MCF2L: variants seen among roughly 807,000 people sequenced by gnomAD.
The protein encoded by MCF2L is MCF.2 cell line derived transforming sequence like, also known as guanine nucleotide exchange factor DBS.
In MCF2L, 97 loss-of-function variants were observed where a neutral mutation model predicts 153.4. The ratio of observed to expected loss-of-function variants is 0.63; its 90% CI spans 0.54 to 0.75. MCF2L has a LOEUF of 0.75. MCF2L is among the 30% of genes least tolerant of loss of function. The probability of loss-of-function intolerance (pLI) is 0.00; values close to 1 mark genes in which losing one functional copy is unlikely to be tolerated. For synonymous variants in MCF2L, 659 were observed against 632.2 expected (o/e 1.04, Z -0.64); for missense variants, 1,347 against 1,495.2 (o/e 0.90, Z 1.64).
chr13:113,020,257 A>G (rs1381565457), intron 2 of MCF2L, among the ~76,000 whole-genome samples: 2 of 152,224 alleles, frequency 1.3e-5, no homozygotes, highest in African/African-American at 2.4e-5. Context: ...GTGAGTTTCT[A>G]AAGCCGTGTT....
intron 2 of MCF2L, chr13:112,909,389 C>T (rs188541586): frequency 3.3e-5 from 25 of 757,296 alleles, no homozygotes; most frequent in African/African-American, 1.0e-4. Flanking sequence ...CAGGCTAAGG[C>T]GTTGATCCCA....
At chr13:112,909,532 TTGGATGCAGG>T (rs1256038976) in intron 2 of MCF2L, 5 of 502,252 alleles carry the variant, frequency 1.0e-5, no homozygotes, top group Non-Finnish European at 1.8e-5. Flanking sequence ...GTCTATCAAC[TTGGATGCAGG>T]TAGTGCTCAG....
intron 8 of MCF2L, 118 bp downstream of exon 8, chr13:113,066,288 A>AC (rs2032347202): frequency 8.0e-7 from 1 of 1,252,700 alleles, no homozygotes; most frequent in South Asian, 1.7e-5. Flanking sequence ...GTGGCAGGCA[A>AC]CCCCACTCCT....
At chr13:113,034,925 G>A (rs564393574) in intron 3 of MCF2L, among the ~76,000 whole-genome samples, 4 of 151,940 alleles carry the variant, frequency 2.6e-5, no homozygotes, top group East Asian at 2.0e-4. Flanking sequence ...AGGTCTGCCC[G>A]AGGCAAGGCA....
At chr13:112,988,665 C>T (rs1180811638) in intron 1 of MCF2L, among the ~76,000 whole-genome samples, 5 of 146,202 alleles carry the variant, frequency 3.4e-5, no homozygotes, top group African/African-American at 1.3e-4. Context: ...GCTACCATGC[C>T]CGAGTCCTCC....
At position 112,933,923 on chromosome 13, in the gene MCF2L, G is replaced by T. The variant is rs2081488704; in HGVS notation, c.169+31552G>T. Among the ~76,000 whole-genome samples, 3 of 152,238 alleles carry T rather than the reference G, an allele frequency of 2.0e-5. No individual in the cohort carries two copies. In the South Asian group the frequency reaches 6.2e-4, roughly 31 times the overall value. On this transcript the variant is annotated intron_variant, in intron 2 of 29. Transcript: ENST00000375608. ...GCTTCTGTTGGGCAGTCTGTGTCCAGTGCTGATGCCATCTGCAGGTACTGA... is the reference window on the plus strand; with the variant it reads ...GCTTCTGTTGGGCAGTCTGTGTCCATTGCTGATGCCATCTGCAGGTACTGA...
At position 113,087,270 on chromosome 13, in the gene MCF2L, G is replaced by C; in HGVS notation, c.2409G>C (p.Gln803His). Residue 803 changes from glutamine to histidine, a missense_variant, in exon 22 of 30, where the codon CAG becomes CAC. This residue lies in a region of MCF2L where 144 missense variants were observed against 238.7 expected (regional missense o/e 0.60). Transcript: ENST00000535094. ...GCGACCTGGGCAAGCTGCTGATGCA[G>C]GGCTCGTTCAGCGTCTGGACCGACC... ...NLGDLGKLLMQGSFSVWTDHK... is the reference protein window; with the variant it reads ...NLGDLGKLLMHGSFSVWTDHK... 1 of 1,612,672 alleles carries C rather than the reference G, an allele frequency of 6.2e-7. No homozygotes were observed. Among genetic ancestry groups the C allele is most frequent in the East Asian group, 2.2e-5 (1 of 44,882 alleles).
At position 113,035,231 on chromosome 13, in the gene MCF2L, G is replaced by A. The variant is rs373865947; in HGVS notation, c.279-10040G>A. 2.0e-5 allele frequency among the ~76,000 whole-genome samples: 3 copies of A among 152,182 alleles called. No homozygotes were observed. Among genetic ancestry groups the A allele is most frequent in the African/African-American group, 2.4e-5 (1 of 41,452 alleles). On this transcript the variant is annotated intron_variant, in intron 3 of 29. Transcript: ENST00000535094. The surrounding 1 kb of genome is among the most constrained non-coding windows in gnomAD (Gnocchi z 4.4). Reference sequence around the variant, plus strand: ...GACTCTGACGCTCTCATTGCTTCACGTTTAATTTTTGTGTCCTGCTGTAAC... The same window carrying A: ...GACTCTGACGCTCTCATTGCTTCACATTTAATTTTTGTGTCCTGCTGTAAC...
chr13:113,019,581 CAG>C (rs2084751951), intron 2 of MCF2L, among the ~76,000 whole-genome samples: 1 of 152,216 alleles, frequency 6.6e-6, no homozygotes, highest in Non-Finnish European at 1.5e-5. Flanking sequence ...TAGGTTTGGG[CAG>C]AGTCGCACGT....
At chr13:112,987,737 G>A (rs2082707608) in intron 1 of MCF2L, among the ~76,000 whole-genome samples, 1 of 152,242 alleles carries the variant, frequency 6.6e-6, no homozygotes, top group Non-Finnish European at 1.5e-5. Flanking sequence ...CCTGTCCAGG[G>A]CCTGGAAGGG....
In MCF2L at chr13:113,066,081, T is replaced by A; in HGVS notation, c.792T>A (p.Ser264Arg). 1 of 1,613,360 alleles carries A rather than the reference T, an allele frequency of 6.2e-7. No homozygotes were observed. The highest frequency in any genetic ancestry group is 8.5e-7 in the Non-Finnish European group (1 of 1,179,916). ...DLRLALKEGHSVLESLRELQA... is the reference protein window; with the variant it reads ...DLRLALKEGHRVLESLRELQA... The stretch of plus-strand genomic sequence containing the variant: ...GGCTGGCACTGAAAGAGGGGCACAG[T>A]GTCCTGGAGAGCCTCAGGGAGCTGC... The change falls in exon 8 of 30, where the codon AGT becomes AGA. Residue 264 changes from serine (S) to arginine (R), a missense_variant. Ser to Arg is a moderately radical substitution (Grantham distance 110). This residue lies in a region of MCF2L where 820 missense variants were observed against 921.2 expected (regional missense o/e 0.89). Coordinates refer to ENST00000535094, the MANE Select transcript of MCF2L (RefSeq NM_001112732.3).
chr13:112,999,686 C>G (rs192349365), intron 1 of MCF2L, among the ~76,000 whole-genome samples: 3 of 152,146 alleles, frequency 2.0e-5, no homozygotes, highest in African/African-American at 7.2e-5. Context: ...GTGTCCCAAG[C>G]CTGAGGCCTC....
chr13:112,903,800 G>A (rs1033639368), intron 2 of MCF2L, among the ~76,000 whole-genome samples: 1 of 152,176 alleles, frequency 6.6e-6, no homozygotes, highest in African/African-American at 2.4e-5. Flanking sequence ...CACACCGCCT[G>A]CTTCTCTGGG....
At chr13:112,916,466 A>G (rs2082684968) in intron 2 of MCF2L, among the ~76,000 whole-genome samples, 1 of 152,058 alleles carries the variant, frequency 6.6e-6, no homozygotes, top group African/African-American at 2.4e-5. Context: ...TGGTGGGATG[A>G]GTCTCCGCAC....
At chr13:113,020,593 C>T (rs777763546) in intron 2 of MCF2L, among the ~76,000 whole-genome samples, 4 of 152,230 alleles carry the variant, frequency 2.6e-5, no homozygotes, top group Non-Finnish European at 5.9e-5. Context: ...GCAGCCTTCT[C>T]GCTGTCCTCA....
In MCF2L at chr13:113,096,568, C is replaced by T. The variant is rs1429925941; in HGVS notation, c.3207C>T (p.Thr1069=). ...CTTGCAGGTACGTCAGGGACCCGAC[C>T]ACTGGCAAGGAGGGCTGGGTGCCGG... ...DEGLWYVRDP[T]TGKEGWVPAS... Residue 1069 remains threonine, a synonymous_variant, in exon 29 of 30, where the codon ACC becomes ACT. Transcript: ENST00000535094. 9.3e-6 allele frequency: 15 copies of T among 1,604,858 alleles called. No individual in the cohort carries two copies. Among genetic ancestry groups the T allele is most frequent in the African/African-American group, 5.3e-5 (4 of 74,866 alleles).
At chr13:113,058,360 C>G (rs1453617058) in intron 4 of MCF2L, among the ~76,000 whole-genome samples, 4 of 141,468 alleles carry the variant, frequency 2.8e-5, no homozygotes, top group Admixed American at 7.1e-5. Flanking sequence ...TGTTTGGTCA[C>G]TGAGTGGGCG....
intron 1 of MCF2L, among the ~76,000 whole-genome samples, chr13:112,989,024 G>A (rs1360907709): frequency 5.0e-5 from 6 of 119,426 alleles, no homozygotes; most frequent in East Asian, 2.5e-4. Context: ...AGGACATGGA[G>A]CTACCACGCC....
chr13:113,012,145 C>T (rs1391413156), intron 1 of MCF2L, among the ~76,000 whole-genome samples: 10 of 92,218 alleles, frequency 1.1e-4, no homozygotes, highest in South Asian at 5.8e-4. Flanking sequence ...GCAGTGTGGA[C>T]GGTGGACACT....
Sources: allele counts gnomAD v4.1 joint callset (sites outside exome capture counted in the v4.1 genomes callset), GRCh38; gene constraint gnomAD v4.1.1; regional missense constraint gnomAD v4.1.1; non-coding constraint Gnocchi (gnomAD v3.1); transcripts MANE v1.5; gene names NCBI Gene and HGNC (gene_info 2026-07-23, HGNC 2026-07-21).